Variants in TMEM117 observed in about 807,000 individuals in gnomAD.
TMEM117 encodes the protein transmembrane protein 117.
A neutral mutation model predicts 52.4 loss-of-function variants in TMEM117; 27 were observed. That is an observed-to-expected ratio of 0.51 (90% CI 0.38 to 0.71). The LOEUF is 0.71. TMEM117 is among the 30% of genes least tolerant of loss of function. TMEM117 has a pLI of 0.00. For synonymous variants in TMEM117, 215 were observed against 206.3 expected, an observed-to-expected ratio of 1.04 and a Z score of -0.36; for missense variants, 556 against 630.5, an observed-to-expected ratio of 0.88 and a Z score of 1.26.
chr12:43,910,160 T>C (rs561334785), intron 2 of TMEM117, among the ~76,000 whole-genome samples: 75 of 146,614 alleles, frequency 5.1e-4, no homozygotes, highest in Admixed American at 1.4e-3. Context: ...TCAAGTGGGC[T>C]TCATCCCTGG....
At chr12:44,355,031 A>G (rs1484381719) in intron 6 of TMEM117, among the ~76,000 whole-genome samples, 1 of 152,014 alleles carries the variant, frequency 6.6e-6, no homozygotes, top group African/African-American at 2.4e-5. Context: ...TATTAAAACT[A>G]ATAAAGTTAG....
At chr12:43,957,215 A>C (rs1031529953) in intron 3 of TMEM117, among the ~76,000 whole-genome samples, 1 of 152,110 alleles carries the variant, frequency 6.6e-6, no homozygotes, top group African/African-American at 2.4e-5. Context: ...CTTAATACCT[A>C]GCTGATGGGT....
intron 6 of TMEM117, among the ~76,000 whole-genome samples, chr12:44,331,684 A>G (rs1951272558): frequency 6.6e-6 from 1 of 152,094 alleles, no homozygotes; most frequent in African/African-American, 2.4e-5. Flanking sequence ...GACAATATTA[A>G]CTATCTTTCC....
chr12:43,812,931 A>G, the TMEM117 span, among the ~76,000 whole-genome samples: 1 of 150,878 alleles, frequency 6.6e-6, no homozygotes, highest in Non-Finnish European at 1.5e-5. Flanking sequence ...GCTTGAGCCC[A>G]GGAGTTCAAG....
chr12:44,145,509 T>C (rs926218200), intron 4 of TMEM117, among the ~76,000 whole-genome samples: 3 of 152,374 alleles, frequency 2.0e-5, no homozygotes, highest in African/African-American at 7.2e-5. Context: ...AGCTTAAATG[T>C]GTGGCCCTGT....
intron 1 of TMEM117, among the ~76,000 whole-genome samples, chr12:43,836,875 A>AC (rs1201890666): frequency 5.9e-5 from 9 of 152,124 alleles, no homozygotes. Context: ...AGGAAAAAAA[A>AC]TGAGTAAAAG....
At chr12:43,931,074 C>A (rs1465227287) in intron 2 of TMEM117, among the ~76,000 whole-genome samples, 2 of 152,188 alleles carry the variant, frequency 1.3e-5, no homozygotes, top group Admixed American at 1.3e-4. Context: ...CCACCCCAAG[C>A]TGGGGAAAGT....
rs974372430 is a variant in TMEM117, at chr12:44,272,049, G to A, written c.609-27531G>A. Among the ~76,000 whole-genome samples the A allele has an allele frequency of 3.9e-5, 6 of 152,112 alleles. No individual in the cohort carries two copies. The South Asian group carries it at 1.0e-3, about 26-fold the overall frequency. ...AACCTTGAGCTATCACCTCATACTCGTTAGAGTGGCTGCAATCAAAAAGAT... is the reference window on the plus strand; with the variant it reads ...AACCTTGAGCTATCACCTCATACTCATTAGAGTGGCTGCAATCAAAAAGAT... On this transcript the variant is annotated intron_variant, in intron 5 of 7. Transcript: ENST00000266534.
intron 3 of TMEM117, among the ~76,000 whole-genome samples, chr12:44,039,998 T>C (rs1946772578): frequency 6.6e-6 from 1 of 152,176 alleles, no homozygotes; most frequent in Non-Finnish European, 1.5e-5. Context: ...GGTTTGGTGA[T>C]GTGCCAGTAA....
chr12:44,355,839 G>A (rs879822737), intron 6 of TMEM117, among the ~76,000 whole-genome samples: 1 of 152,074 alleles, frequency 6.6e-6, no homozygotes, highest in Non-Finnish European at 1.5e-5. Context: ...ACCTGACCCA[G>A]TGAAGAAGCA....
chr12:44,076,764 C>T (rs1227851728), intron 3 of TMEM117, among the ~76,000 whole-genome samples: 1 of 152,020 alleles, frequency 6.6e-6, no homozygotes, highest in Non-Finnish European at 1.5e-5. Context: ...TAAATATAGC[C>T]CTTTGAGAAT....
chr12:43,888,255 A>G (rs1395718290), intron 2 of TMEM117, among the ~76,000 whole-genome samples: 1 of 152,192 alleles, frequency 6.6e-6, no homozygotes, highest in African/African-American at 2.4e-5. Context: ...TCCACATTGT[A>G]CTTCATATAT....
chr12:44,111,817 T>C (rs1430139681), intron 3 of TMEM117, among the ~76,000 whole-genome samples: 3 of 137,492 alleles, frequency 2.2e-5, no homozygotes, highest in East Asian at 2.1e-4. Context: ...TGTTAAAGTC[T>C]CCCATTATTA....
chr12:44,111,704 C>A (rs1476797189), intron 3 of TMEM117, among the ~76,000 whole-genome samples: 1 of 141,142 alleles, frequency 7.1e-6, no homozygotes, highest in East Asian at 2.0e-4. Context: ...GTGGAGAGTT[C>A]TGTAGATGTC....
chr12:43,932,277 T>A (rs977418769), intron 2 of TMEM117, among the ~76,000 whole-genome samples: 1 of 151,588 alleles, frequency 6.6e-6, no homozygotes, highest in South Asian at 2.1e-4. Flanking sequence ...AAATAACTTA[T>A]ATTTTTAATA....
At chr12:44,258,969 A>G (rs1434278322) in intron 5 of TMEM117, among the ~76,000 whole-genome samples, 1 of 152,196 alleles carries the variant, frequency 6.6e-6, no homozygotes, top group Admixed American at 6.5e-5. Flanking sequence ...AAAATATAAA[A>G]TATCAAATTC....
intron 3 of TMEM117, among the ~76,000 whole-genome samples, chr12:43,973,259 G>C (rs929095571): frequency 9.2e-5 from 14 of 152,086 alleles, no homozygotes; most frequent in Admixed American, 9.2e-4. Context: ...GGCCTCTCAT[G>C]TGTGCTTTAA....
chr12:44,379,306 T>C (rs1329930422), intron 7 of TMEM117, among the ~76,000 whole-genome samples: 1 of 151,922 alleles, frequency 6.6e-6, no homozygotes, highest in Non-Finnish European at 1.5e-5. Flanking sequence ...CAGTGAGCCA[T>C]GATGGCACCA....
At chr12:44,200,833 G>T (rs9738397) in intron 4 of TMEM117, among the ~76,000 whole-genome samples, 3,509 of 152,214 alleles carry the variant, frequency 0.023, 116 homozygotes, top group African/African-American at 0.08. Flanking sequence ...GGCACAATGC[G>T]GGTAGAGTGT....
Sources: allele counts gnomAD v4.1 joint callset (sites outside exome capture counted in the v4.1 genomes callset), GRCh38; gene constraint gnomAD v4.1.1; transcripts MANE v1.5; gene names NCBI Gene and HGNC (gene_info 2026-07-23, HGNC 2026-07-21).